ZNF550: variants seen among roughly 807,000 people sequenced by gnomAD.
The protein encoded by ZNF550 is zinc finger protein 550.
A neutral mutation model predicts 40.2 loss-of-function variants in ZNF550; 42 were observed. That is an observed-to-expected ratio of 1.05 (90% CI 0.82 to 1.35). The LOEUF (loss-of-function observed/expected upper bound fraction) is 1.35. Among genes scored for constraint, ZNF550 ranks in the 40% most tolerant of loss-of-function variants. The pLI is 0.00. For missense variants in ZNF550, 549 were observed against 525.2 expected (o/e 1.05, Z -0.44); for synonymous variants, 223 against 198.6 (o/e 1.12, Z -1.03).
intron 4 of ZNF550, among the ~76,000 whole-genome samples, chr19:57,546,056 A>G (rs994366642): frequency 2.0e-5 from 3 of 152,174 alleles, no homozygotes; most frequent in Admixed American, 2.0e-4. Context: ...AGCCTTAAAC[A>G]GTCTTAGGTA....
chr19:57,553,762 A>G (rs1311796620), intron 2 of ZNF550: 1 of 152,176 alleles, frequency 6.6e-6, no homozygotes, highest in Non-Finnish European at 1.5e-5. Flanking sequence ...TTTCAGAACC[A>G]CTTGGGGATG....
chr19:57,542,916 A>G (rs2089973918), exon 5 of ZNF550: 1 of 150,078 alleles, frequency 6.7e-6, no homozygotes, highest in Non-Finnish European at 1.5e-5. Flanking sequence ...TTCTGAGGGT[A>G]ACGACTCCAA....
At chr19:57,543,328 C>T (rs1220316786) in intron 4 of ZNF550, 1 of 344,294 alleles carries the variant, frequency 2.9e-6, no homozygotes, top group Non-Finnish European at 4.1e-6. Context: ...TCCCCTCTAC[C>T]CCATCCCTTC....
chr19:57,543,087 C>T (rs2089975816), exon 5 of ZNF550: 1 of 246,878 alleles, frequency 4.1e-6, no homozygotes, highest in Non-Finnish European at 6.5e-6. Flanking sequence ...CTCTTCTGAT[C>T]ACTCTGTTGT....
exon 5 of ZNF550, chr19:57,543,027 A>G (rs1409757784): frequency 6.4e-6 from 1 of 157,142 alleles, no homozygotes; most frequent in Non-Finnish European, 1.4e-5. Context: ...CAAGACACAC[A>G]GGCTTCCATT....
chr19:57,550,672 C>T (rs1446994589), intron 3 of ZNF550, among the ~76,000 whole-genome samples: 1 of 152,218 alleles, frequency 6.6e-6, no homozygotes, highest in Non-Finnish European at 1.5e-5. Context: ...GTAACAGAAA[C>T]TGCCGAGGTG....
chr19:57,558,394 G>A (rs1290074956), intron 1 of ZNF550, among the ~76,000 whole-genome samples: 1 of 152,202 alleles, frequency 6.6e-6, no homozygotes, highest in East Asian at 1.9e-4. Flanking sequence ...GACCATGCTG[G>A]TAGGAGGGGG....
intron 3 of ZNF550, 31 bp from the exon 4 acceptor site, chr19:57,548,024 CTTT>C: frequency 6.4e-7 from 1 of 1,566,836 alleles, no homozygotes; most frequent in Non-Finnish European, 8.7e-7. Context: ...AAGGAGGGGT[CTTT>C]TAGTGATAAA....
At chr19:57,556,163 A>G (rs2090118576) in intron 2 of ZNF550, 68 bp downstream of exon 2, 17 of 1,607,788 alleles carry the variant, frequency 1.1e-5, no homozygotes, top group Non-Finnish European at 1.4e-5. Context: ...GGGCAGTTCC[A>G]GTGACCTTTT....
chr19:57,555,617 G>A (rs371784589), intron 2 of ZNF550: 9 of 156,212 alleles, frequency 5.8e-5, no homozygotes, highest in South Asian at 3.8e-4. Flanking sequence ...GATTACAGGC[G>A]TGAGCCACCA....
chr19:57,546,379 A>T, intron 4 of ZNF550: 1 of 577,060 alleles, frequency 1.7e-6, no homozygotes, highest in Non-Finnish European at 2.2e-6. Context: ...AAACCCCTTT[A>T]CCTCTCAAAC....
At chr19:57,551,196 G>A (rs139060834) in intron 3 of ZNF550, among the ~76,000 whole-genome samples, 6 of 152,228 alleles carry the variant, frequency 3.9e-5, no homozygotes, top group Admixed American at 6.5e-5. Flanking sequence ...GTATGAGACC[G>A]TGCAGATGAA....
At chr19:57,547,812 T>C in exon 4 of ZNF550, 1 of 1,614,190 alleles carries the variant, frequency 6.2e-7, no homozygotes, top group Non-Finnish European at 8.5e-7. Context: ...TGTGGAGGTC[T>C]GTCTCCGGTG....
intron 4 of ZNF550, chr19:57,544,536 C>T: frequency 1.0e-6 from 1 of 985,358 alleles, no homozygotes; most frequent in Non-Finnish European, 1.2e-6. Flanking sequence ...TGGGGGTCCT[C>T]AAGAGTCAAC....
Position 57,556,374 on chromosome 19 carries a change from A to T in ZNF550, c.28-17T>A. ...CACCAACATCTGGAAAGTCAAACAG[A>T]AGTAATGCTATTGGCCTTGTGTTGT... On this transcript the variant is annotated splice_polypyrimidine_tract_variant and intron_variant, in intron 1 of 4. Transcript: ENST00000457177. The T allele has an allele frequency of 6.2e-7, 1 of 1,609,420 alleles. No homozygotes were observed. Among genetic ancestry groups the T allele is most frequent in the Non-Finnish European group, 8.5e-7 (1 of 1,177,770 alleles).
intron 1 of ZNF550, among the ~76,000 whole-genome samples, chr19:57,558,859 T>G (rs747209246): frequency 6.6e-6 from 1 of 152,198 alleles, no homozygotes; most frequent in African/African-American, 2.4e-5. Context: ...AAAGGGACAC[T>G]ACATCCTGCA....
intron 1 of ZNF550, 53 bp downstream of exon 1, chr19:57,559,603 G>C (rs969087308): frequency 2.1e-6 from 3 of 1,441,372 alleles, no homozygotes; most frequent in Admixed American, 2.1e-5. Context: ...CCGCTCGTCG[G>C]GCCCGGGACA....
At chr19:57,556,193 G>A (rs765200929) in intron 2 of ZNF550, 38 bp downstream of exon 2, 3 of 1,613,496 alleles carry the variant, frequency 1.9e-6, no homozygotes, top group Non-Finnish European at 2.5e-6. Context: ...AAGAATCAGG[G>A]TTAGGGTCCT....
intron 1 of ZNF550, 98 bp from the exon 2 acceptor site, chr19:57,556,455 G>C (rs1418939103): frequency 6.7e-7 from 1 of 1,482,916 alleles, no homozygotes; most frequent in African/African-American, 1.4e-5. Context: ...AGAGATCCAG[G>C]TCTGAATCAA....
Sources: allele counts gnomAD v4.1 joint callset (sites outside exome capture counted in the v4.1 genomes callset), GRCh38; gene constraint gnomAD v4.1.1; transcripts MANE v1.5; gene names NCBI Gene and HGNC (gene_info 2026-07-23, HGNC 2026-07-21).